The following CPLX2 variants were observed in gnomAD, a reference collection of about 807,000 sequenced individuals.
CPLX2 encodes the protein complexin-2.
CPLX2 carries 5 observed loss-of-function variants against 16.3 expected under a neutral mutation model. The ratio of observed to expected loss-of-function variants is 0.31; its 90% CI spans 0.16 to 0.64. The LOEUF (loss-of-function observed/expected upper bound fraction) is 0.64, where lower values mean the gene tolerates loss of function less well. CPLX2 is among the 30% of genes least tolerant of loss of function. The pLI is 0.79. For synonymous variants in CPLX2, 89 were observed against 73.2 expected (o/e 1.22, Z -1.10); for missense variants, 144 against 181.4 (o/e 0.79, Z 1.18).
chr5:175,859,234 A>C (rs1759318188), intron 2 of CPLX2, among the ~76,000 whole-genome samples: 1 of 152,270 alleles, frequency 6.6e-6, no homozygotes, highest in Non-Finnish European at 1.5e-5. Flanking sequence ...AGGCGTAGCC[A>C]GGGCAGAGAG....
chr5:175,868,283 G>GCTCT (rs1242632143), upstream of CPLX2, among the ~76,000 whole-genome samples: 1 of 152,182 alleles, frequency 6.6e-6, no homozygotes, highest in African/African-American at 2.4e-5. Context: ...CCTTACGCAA[G>GCTCT]CTCTCTCACT....
chr5:175,837,053 A>C (rs1758852513), intron 2 of CPLX2, among the ~76,000 whole-genome samples: 1 of 152,234 alleles, frequency 6.6e-6, no homozygotes, highest in Admixed American at 6.5e-5. Context: ...TCAGGGGGAA[A>C]GGAAGCACGG....
chr5:175,880,422 A>G lies in CPLX2; in HGVS notation c.*377A>G. ...ATGACACATTCCAGCCCTGCCCAGC[A>G]TGCTGACCTTTGGCCTCTAACCCTC... is the stretch of plus-strand genomic sequence containing the variant. On this transcript the variant is annotated 3_prime_UTR_variant, in exon 4 of 4. Coordinates refer to ENST00000393745, the MANE Select transcript of CPLX2 (RefSeq NM_001008220.2). 2.9e-6 allele frequency: 1 copy of G among 348,658 alleles called. No homozygotes were observed. Among genetic ancestry groups the G allele is most frequent in the Non-Finnish European group, 5.6e-6 (1 of 178,828 alleles). The allele number at this position is 348,658 out of a possible 1,614,324, so 21.6% of individuals were successfully genotyped here. A position where few individuals can be genotyped will look rare whatever the true frequency, so the allele number is the denominator to read the frequency against.
In CPLX2 at chr5:175,845,992, A is replaced by G. The variant is rs189936346; in HGVS notation, c.-88-32660A>G. On this transcript the variant is annotated intron_variant, in intron 2 of 4. Transcript: ENST00000359546. This position sits in a 1 kb window ranked among gnomAD's most constrained non-coding sequence, Gnocchi z 4.0. ...CCTGTCCCCTCACCTCCTGAAATCA[A>G]TCAGGGCGAGACCTTAGTGAGGGCA... Among the ~76,000 whole-genome samples the G allele has an allele frequency of 5.9e-5, 9 of 152,186 alleles. No homozygotes were observed. Among genetic ancestry groups the G allele is most frequent in the African/African-American group, 1.9e-4 (8 of 41,530 alleles).
intron 2 of CPLX2, among the ~76,000 whole-genome samples, chr5:175,863,519 G>T (rs1230616728): frequency 6.6e-6 from 1 of 152,190 alleles, no homozygotes; most frequent in African/African-American, 2.4e-5. Flanking sequence ...AGGGCCTGGG[G>T]ATTAAATCAG....
In CPLX2 at chr5:175,846,959, C is replaced by G. The variant is rs560036506; in HGVS notation, c.-88-31693C>G. Among the ~76,000 whole-genome samples the G allele has an allele frequency of 2.6e-5, 4 of 152,344 alleles. No homozygotes were observed. In the South Asian group the frequency reaches 6.2e-4, roughly 24 times the overall value. On this transcript the variant is annotated intron_variant, in intron 2 of 4. Coordinates refer to the CPLX2 transcript ENST00000359546. ...GCTGGGCAACCTTGGGCACGTTGAT[C>G]AAGCTCTCTGAACCTCGGCCTCCTC...
chr5:175,838,763 G>A (rs891821452), intron 2 of CPLX2, among the ~76,000 whole-genome samples: 5 of 152,136 alleles, frequency 3.3e-5, no homozygotes, highest in South Asian at 2.1e-4. Flanking sequence ...GGGTCTCCAG[G>A]CCCCCCACCA....
intron 1 of CPLX2, among the ~76,000 whole-genome samples, chr5:175,876,753 C>T (rs146940353): frequency 6.6e-6 from 1 of 152,298 alleles, no homozygotes; most frequent in African/African-American, 2.4e-5. Context: ...CTGGTAATTC[C>T]TTGAGCTCTA....
At chr5:175,875,443 A>T (rs558323065) in intron 1 of CPLX2, among the ~76,000 whole-genome samples, 1 of 152,328 alleles carries the variant, frequency 6.6e-6, no homozygotes, top group East Asian at 1.9e-4. Flanking sequence ...TTTGATTATT[A>T]CAACCATTTA....
At position 175,804,819 on chromosome 5, in the gene CPLX2, C is replaced by T. The variant is rs182406923; in HGVS notation, c.-168-4170C>T. Among the ~76,000 whole-genome samples, 562 of 152,318 alleles carry T rather than the reference C, an allele frequency of 3.7e-3. 5 individuals carry two copies. The highest frequency in any genetic ancestry group is 0.025 in the South Asian group (121 of 4,824). On this transcript the variant is annotated intron_variant, in intron 1 of 4. Coordinates refer to the CPLX2 transcript ENST00000359546. ...AATGTTAGTGCTACTCCCCTGACTA[C>T]CCAACCCTGTTAGATTCTGACTTCA...
In CPLX2 at chr5:175,883,145, G is replaced by A. The variant is rs192617183; in HGVS notation, c.*3100G>A. 89 of 152,428 alleles carry A rather than the reference G, an allele frequency of 5.8e-4. No individual in the cohort carries two copies. The highest frequency in any genetic ancestry group is 3.5e-3 in the Admixed American group (54 of 15,304). 9.4% of individuals were successfully genotyped at this position (152,428 alleles called of 1,614,324 possible). A position where few individuals can be genotyped will look rare whatever the true frequency, so the allele number is the denominator to read the frequency against. On this transcript the variant is annotated 3_prime_UTR_variant, in exon 4 of 4. Transcript: ENST00000393745. ...AAAAAAGAATGAGGTTCAAGGGAGC[G>A]TGCACCAGGTGAGGTGAGCGTGTGT... is the stretch of plus-strand genomic sequence containing the variant.
At chr5:175,841,827 G>T (rs1021165041) in intron 2 of CPLX2, among the ~76,000 whole-genome samples, 1 of 152,208 alleles carries the variant, frequency 6.6e-6, no homozygotes, top group African/African-American at 2.4e-5. Flanking sequence ...TTTTCTATAA[G>T]CCTCAAATTT....
At position 175,838,666 on chromosome 5, in the gene CPLX2, G is replaced by A. The variant is rs929187885; in HGVS notation, c.-89+29598G>A. ...TGGAGTTGGAGGCTGTGACCACATGGTTTTCCAGCTTTTCTAGTTCTTTGA... is the reference window on the plus strand; with the variant it reads ...TGGAGTTGGAGGCTGTGACCACATGATTTTCCAGCTTTTCTAGTTCTTTGA... On this transcript the variant is annotated intron_variant, in intron 2 of 4. Coordinates refer to the CPLX2 transcript ENST00000359546. 3.3e-5 allele frequency among the ~76,000 whole-genome samples: 5 copies of A among 152,210 alleles called. No individual in the cohort carries two copies. The East Asian group carries it at 9.7e-4, about 29-fold the overall frequency.
intron 2 of CPLX2, among the ~76,000 whole-genome samples, chr5:175,828,716 C>T (rs1463726507): frequency 2.6e-5 from 4 of 152,164 alleles, no homozygotes; most frequent in Admixed American, 6.5e-5. Flanking sequence ...GCCCCCACAG[C>T]GTCTTCCTCT....
intron 2 of CPLX2, among the ~76,000 whole-genome samples, chr5:175,815,652 T>C (rs1463299324): frequency 6.6e-6 from 1 of 152,256 alleles, no homozygotes; most frequent in Non-Finnish European, 1.5e-5. Context: ...TTTGTGACCA[T>C]GGGAACTAAC....
chr5:175,870,134 G>A (rs1226939540), upstream of CPLX2, among the ~76,000 whole-genome samples: 8 of 152,176 alleles, frequency 5.3e-5, no homozygotes, highest in Non-Finnish European at 1.5e-5. Context: ...CTAGGAAAGG[G>A]AAGAAAAATA....
chr5:175,853,828 T>C (rs1444515982), intron 2 of CPLX2, among the ~76,000 whole-genome samples: 1 of 152,158 alleles, frequency 6.6e-6, no homozygotes, highest in East Asian at 1.9e-4. Context: ...CCTCCCCAGC[T>C]TCCCCCTCTG....
intron 2 of CPLX2, among the ~76,000 whole-genome samples, chr5:175,822,293 T>C (rs1758525644): frequency 6.6e-6 from 1 of 152,180 alleles, no homozygotes; most frequent in East Asian, 1.9e-4. Flanking sequence ...TCCCACTCTC[T>C]AGCATCCTTC....
intron 2 of CPLX2, among the ~76,000 whole-genome samples, chr5:175,834,667 C>T (rs1758793145): frequency 6.6e-6 from 1 of 152,070 alleles, no homozygotes; most frequent in Non-Finnish European, 1.5e-5. Flanking sequence ...GGTCAGGAGA[C>T]ATCAAGACCA....
Sources: allele counts gnomAD v4.1 joint callset (sites outside exome capture counted in the v4.1 genomes callset), GRCh38; gene constraint gnomAD v4.1.1; non-coding constraint Gnocchi (gnomAD v3.1); transcripts MANE v1.5; gene names NCBI Gene and HGNC (gene_info 2026-07-23, HGNC 2026-07-21).